Variants in ADGRL1 observed in about 807,000 individuals in gnomAD.
ADGRL1 encodes the protein CIRL-1.
A neutral mutation model predicts 148.9 loss-of-function variants in ADGRL1; 31 were observed. The observed-to-expected ratio is 0.21, with a 90% CI of 0.16 to 0.28. The LOEUF (loss-of-function observed/expected upper bound fraction) is 0.28, where lower values mean the gene tolerates loss of function less well. Ranked by LOEUF, ADGRL1 falls within the 10% of genes least tolerant of loss-of-function variation. The pLI, the probability that ADGRL1 is intolerant of heterozygous loss-of-function variation, is 1.00. For missense variants in ADGRL1, 1,521 were observed against 2,058.8 expected, an observed-to-expected ratio of 0.74 and a Z score of 5.05; for synonymous variants, 937 against 900.3, an observed-to-expected ratio of 1.04 and a Z score of -0.73.
chr19:14,205,294 G>A lies in ADGRL1; in HGVS notation c.-96+691C>T, dbSNP rs185918868. Among the ~76,000 whole-genome samples, 926 of 152,096 alleles carry A rather than the reference G, an allele frequency of 6.1e-3. 9 individuals are homozygous for A. Among genetic ancestry groups the A allele is most frequent in the African/African-American group, 0.021 (879 of 41,468 alleles). On this transcript the variant is annotated intron_variant, in intron 1 of 22. Coordinates refer to ENST00000361434, the MANE Select transcript of ADGRL1 (RefSeq NM_014921.5). ...CCTCAAAGCACGAATAATCCGAGTGGATCAAACCTGCCGGCCTCCCGTGCT... is the reference window on the plus strand; with the variant it reads ...CCTCAAAGCACGAATAATCCGAGTGAATCAAACCTGCCGGCCTCCCGTGCT...
chr19:14,162,093 C>T lies in ADGRL1; in HGVS notation c.1196-467G>A, dbSNP rs1969457670. Among the ~76,000 whole-genome samples the T allele has an allele frequency of 1.3e-5, 2 of 152,182 alleles. No individual in the cohort carries two copies. The highest frequency in any genetic ancestry group is 3.2e-3 in the Middle Eastern group (1 of 316). ...GGGCCTCAACTCCCCCTTTTGCAAA[C>T]AAGATGGGGTTAGATCGGGCTCCCT... On this transcript the variant is annotated intron_variant, in intron 5 of 22. Coordinates refer to ENST00000361434, the MANE Select transcript of ADGRL1 (RefSeq NM_014921.5). The surrounding 1 kb of genome is among the most constrained non-coding windows in gnomAD (Gnocchi z 5.4).
At position 14,151,375 on chromosome 19, in the gene ADGRL1, G is replaced by A; in HGVS notation, c.3908C>T (p.Pro1303Leu). Residue 1303 changes from proline to leucine, a missense_variant, in exon 23 of 23, where the codon CCC (proline) becomes CTC (leucine). Physicochemically the swap from Pro to Leu is moderately conservative, Grantham distance 98. Coordinates refer to ENST00000361434, the MANE Select transcript of ADGRL1 (RefSeq NM_014921.5). ...GCCCCCTGGCACAGGTGGCACAGGGGGCTCAGGCGGTGGAGGGCCCTTGGC... is the reference window on the plus strand; with the variant it reads ...GCCCCCTGGCACAGGTGGCACAGGGAGCTCAGGCGGTGGAGGGCCCTTGGC... ...SAAKGPPPPEPPVPPVPGGGG... is the reference protein window; with the variant it reads ...SAAKGPPPPELPVPPVPGGGG... 1.2e-6 allele frequency: 2 copies of A among 1,602,666 alleles called. No individual in the cohort carries two copies. The highest frequency in any genetic ancestry group is 2.2e-5 in the South Asian group (2 of 90,008).
At position 14,183,594 on chromosome 19, in the gene ADGRL1, G is replaced by A; in HGVS notation, c.9C>T (p.Arg3=). Reference sequence around the variant, plus strand: ...ACAGATTCCAGAGCACTGCGGCTAGGCGGGCCATGGTGGCAGCCGGGTGCG... The same window carrying A: ...ACAGATTCCAGAGCACTGCGGCTAGACGGGCCATGGTGGCAGCCGGGTGCG... MA[R]LAAVLWNLCV... is the part of the protein sequence containing the mutation. The change falls in exon 2 of 23, where the codon CGC becomes CGT. Residue 3 remains arginine, a synonymous_variant. Coordinates refer to ENST00000361434, the MANE Select transcript of ADGRL1 (RefSeq NM_014921.5). 6.3e-7 allele frequency: 1 copy of A among 1,577,670 alleles called. No homozygotes were observed. Among genetic ancestry groups the A allele is most frequent in the Non-Finnish European group, 8.6e-7 (1 of 1,161,472 alleles).
At chr19:14,154,761 CCCA>C (rs1285769593) in intron 18 of ADGRL1, among the ~76,000 whole-genome samples, 1 of 151,862 alleles carries the variant, frequency 6.6e-6, no homozygotes, top group Non-Finnish European at 1.5e-5. Flanking sequence ...ACTACAGGCG[CCCA>C]CCACCACACC....
chr19:14,197,937 T>C (rs1341808884), intron 1 of ADGRL1, among the ~76,000 whole-genome samples: 1 of 152,136 alleles, frequency 6.6e-6, no homozygotes, highest in Non-Finnish European at 1.5e-5. Flanking sequence ...GAAGGTGTGC[T>C]TGACAGGGGG....
intron 4 of ADGRL1, among the ~76,000 whole-genome samples, chr19:14,167,201 C>T (rs901916434): frequency 9.2e-5 from 14 of 152,296 alleles, no homozygotes; most frequent in Admixed American, 3.9e-4. Flanking sequence ...AGCATCAGCT[C>T]GGGCCCCCGC....
chr19:14,165,794 A>G (rs1969905858), intron 4 of ADGRL1, among the ~76,000 whole-genome samples: 1 of 151,958 alleles, frequency 6.6e-6, no homozygotes, highest in Non-Finnish European at 1.5e-5. Flanking sequence ...GGAGGGGAGC[A>G]GCTCAGAGGG....
intron 2 of ADGRL1, among the ~76,000 whole-genome samples, chr19:14,178,296 G>C (rs891648723): frequency 1.3e-5 from 2 of 152,064 alleles, no homozygotes; most frequent in African/African-American, 4.8e-5. Flanking sequence ...CCTGAACCCA[G>C]GAGTTTGAGA....
At position 14,160,314 on chromosome 19, in the gene ADGRL1, C is replaced by T. The variant is rs761903731; in HGVS notation, c.1615-17G>A. ...ACTCTTGATCTGCATGAGGTGGGGG[C>T]GGGAAGGGGGAATCCCAGGACTGTC... On this transcript the variant is annotated splice_polypyrimidine_tract_variant and intron_variant, in intron 7 of 22. Coordinates refer to ENST00000361434, the MANE Select transcript of ADGRL1 (RefSeq NM_014921.5). The surrounding 1 kb of genome is among the most constrained non-coding windows in gnomAD (Gnocchi z 5.9). 5.7e-6 allele frequency: 9 copies of T among 1,577,538 alleles called. No homozygotes were observed. Among genetic ancestry groups the T allele is most frequent in the Admixed American group, 1.7e-5 (1 of 58,498 alleles).
At chr19:14,184,251 T>C (rs2145037387) in intron 1 of ADGRL1, among the ~76,000 whole-genome samples, 1 of 152,008 alleles carries the variant, frequency 6.6e-6, no homozygotes, top group South Asian at 2.1e-4. Context: ...CCCTCTTTCC[T>C]CTCTGGGGGA....
chr19:14,159,331 G>T lies in ADGRL1; in HGVS notation c.2023+70C>A. On this transcript the variant is annotated intron_variant, in intron 10 of 22. Transcript: ENST00000361434. This position sits in a 1 kb window ranked among gnomAD's most constrained non-coding sequence, Gnocchi z 6.0. ...CCCAAGGGTCGGATAGCCCCCCTGT[G>T]GCCTCCAGGCCAGAACCCCGTGGTT... 6.4e-7 allele frequency: 1 copy of T among 1,570,228 alleles called. No individual in the cohort carries two copies. Among genetic ancestry groups the T allele is most frequent in the Non-Finnish European group, 8.7e-7 (1 of 1,154,570 alleles).
At chr19:14,201,146 G>A (rs2420427) in intron 1 of ADGRL1, among the ~76,000 whole-genome samples, 13 of 151,994 alleles carry the variant, frequency 8.6e-5, no homozygotes. Flanking sequence ...AATGGAAATC[G>A]TCTAGGAAAT....
At position 14,162,623 on chromosome 19, in the gene ADGRL1, G is replaced by A. The variant is rs753164225; in HGVS notation, c.1178C>T (p.Pro393Leu). Residue 393 changes from proline to leucine, a missense_variant, in exon 5 of 23, where the codon CCG becomes CTG. Transcript: ENST00000361434. This position sits in a 1 kb window ranked among gnomAD's most constrained non-coding sequence, Gnocchi z 5.4. ...FVVRYSLEFG[P>L]PDPSAGPATS... ...GTCCTCACCAGCACTGGGGTCGGGC[G>A]GCCCGAACTCCAGGCTGTAGCGCAC... The A allele has an allele frequency of 7.5e-6, 12 of 1,607,012 alleles. No homozygotes were observed. The highest frequency in any genetic ancestry group is 2.2e-5 in the East Asian group (1 of 44,690).
chr19:14,152,175 A>G lies in ADGRL1; in HGVS notation c.3650-25T>C. The G allele has an allele frequency of 1.9e-6, 3 of 1,613,974 alleles. No individual in the cohort carries two copies. Among genetic ancestry groups the G allele is most frequent in the Non-Finnish European group, 2.5e-6 (3 of 1,179,982 alleles). On this transcript the variant is annotated intron_variant, in intron 21 of 22. Transcript: ENST00000361434. The surrounding 1 kb of genome is among the most constrained non-coding windows in gnomAD (Gnocchi z 6.1). Reference sequence around the variant, plus strand: ...CCTGCAGGTGGCAGCCAGAAGAGAGAAGAGAAAAGGCAAGGATGAGCTCGA... The same window carrying G: ...CCTGCAGGTGGCAGCCAGAAGAGAGGAGAGAAAAGGCAAGGATGAGCTCGA...
Position 14,183,581 on chromosome 19 carries a change from G to C in ADGRL1, c.22C>G (p.Leu8Val), listed in dbSNP as rs969655309. The change falls in exon 2 of 23, where the codon CTC becomes GTC. Residue 8 changes from leucine (L) to valine (V), a missense_variant. Around this residue, in one of 8 missense-constraint regions of ADGRL1, gnomAD observed 334 missense variants for 512.5 expected, o/e 0.65. Coordinates refer to ENST00000361434, the MANE Select transcript of ADGRL1 (RefSeq NM_014921.5). The part of the protein sequence containing the change: MARLAAV[L>V]WNLCVTAVLV... ...ACGGCGGTGACACACAGATTCCAGA[G>C]CACTGCGGCTAGGCGGGCCATGGTG... The C allele has an allele frequency of 1.9e-5, 30 of 1,584,370 alleles. No individual in the cohort carries two copies. Among genetic ancestry groups the C allele is most frequent in the Non-Finnish European group, 2.6e-5 (30 of 1,165,042 alleles).
At chr19:14,200,340 C>G (rs1343266563) in intron 1 of ADGRL1, among the ~76,000 whole-genome samples, 2 of 152,214 alleles carry the variant, frequency 1.3e-5, no homozygotes, top group Non-Finnish European at 2.9e-5. Context: ...TTTAAACACA[C>G]AACTGCTCCC....
At chr19:14,166,591 AG>A (rs1969991595) in intron 4 of ADGRL1, among the ~76,000 whole-genome samples, 1 of 151,934 alleles carries the variant, frequency 6.6e-6, no homozygotes, top group Admixed American at 6.6e-5. Context: ...AAAGAGAGAG[AG>A]AGAGAGAGAC....
intron 2 of ADGRL1, among the ~76,000 whole-genome samples, chr19:14,179,318 C>A (rs1971032340): frequency 6.6e-6 from 1 of 152,006 alleles, no homozygotes; most frequent in Non-Finnish European, 1.5e-5. Flanking sequence ...AACGGTGAAA[C>A]CCCATCTCTA....
intron 1 of ADGRL1, among the ~76,000 whole-genome samples, chr19:14,199,436 T>A (rs963976163): frequency 1.7e-4 from 26 of 151,620 alleles, no homozygotes; most frequent in African/African-American, 6.1e-4. Context: ...TTTTTTTTTT[T>A]AATCGTATTT....
Sources: gnomAD v4.1 joint callset for allele counts (sites outside exome capture counted in the v4.1 genomes callset) on GRCh38, gnomAD v4.1.1 for gene constraint, gnomAD v4.1.1 regional missense constraint, Gnocchi (gnomAD v3.1) non-coding constraint, MANE v1.5 for transcripts, NCBI Gene and HGNC (gene_info 2026-07-23, HGNC 2026-07-21) for gene names.